Variants in AGMO observed in about 807,000 individuals in gnomAD.
The protein encoded by AGMO is glyceryl-ether monooxygenase.
AGMO carries 75 observed loss-of-function variants against 60.2 expected under a neutral mutation model. The observed-to-expected ratio is 1.25, with a 90% CI of 1.03 to 1.51. The LOEUF (loss-of-function observed/expected upper bound fraction) is 1.51, where lower values mean the gene tolerates loss of function less well. Ranked by LOEUF, AGMO falls within the 40% of genes most tolerant of loss-of-function variation. AGMO has a pLI of 0.00. For missense variants in AGMO, 763 were observed against 525.5 expected (o/e 1.45, Z -4.42); for synonymous variants, 261 against 177.1 (o/e 1.47, Z -3.76).
the AGMO span, among the ~76,000 whole-genome samples, chr7:15,176,477 T>C: frequency 6.6e-6 from 1 of 151,998 alleles, no homozygotes; most frequent in African/African-American, 2.4e-5. Flanking sequence ...AGTTTTATTA[T>C]TCACTTTCTC....
At chr7:15,244,884 C>G (rs980363849) in intron 12 of AGMO, among the ~76,000 whole-genome samples, 8 of 152,170 alleles carry the variant, frequency 5.3e-5, no homozygotes, top group African/African-American at 1.9e-4. Context: ...GATCTCCTGA[C>G]TTTGTGATCT....
intron 3 of AGMO, among the ~76,000 whole-genome samples, chr7:15,509,368 A>G (rs77938533): frequency 9.6e-6 from 1 of 104,166 alleles, no homozygotes; most frequent in African/African-American, 2.9e-5. Flanking sequence ...GTAGACCCAC[A>G]TGCAAAAAAA....
intron 12 of AGMO, among the ~76,000 whole-genome samples, chr7:15,354,313 CGCGTGTATAT>C (rs1563104737): frequency 0.048 from 4,173 of 87,182 alleles, 390 homozygotes; most frequent in Non-Finnish European, 0.057. Flanking sequence ...CGTGTATACA[CGCGTGTATAT>C]ACGTACGCGT....
chr7:15,455,953 T>C (rs1046958241), intron 3 of AGMO, among the ~76,000 whole-genome samples: 1 of 152,136 alleles, frequency 6.6e-6, no homozygotes, highest in Non-Finnish European at 1.5e-5. Context: ...CCCTGAGGTC[T>C]CAGAAATTTT....
chr7:15,359,827 TC>T (rs1431803280), intron 12 of AGMO, among the ~76,000 whole-genome samples: 1 of 152,192 alleles, frequency 6.6e-6, no homozygotes, highest in African/African-American at 2.4e-5. Context: ...ATACAAAAAA[TC>T]CTGAAACCTT....
At chr7:15,397,151 C>A (rs1205172425) in intron 5 of AGMO, among the ~76,000 whole-genome samples, 1 of 152,138 alleles carries the variant, frequency 6.6e-6, no homozygotes, top group Non-Finnish European at 1.5e-5. Flanking sequence ...AGGGAGCTCT[C>A]CCAGACAACC....
intron 10 of AGMO, among the ~76,000 whole-genome samples, chr7:15,375,143 C>A (rs1783395904): frequency 6.6e-6 from 1 of 152,052 alleles, no homozygotes; most frequent in African/African-American, 2.4e-5. Context: ...CCAAAAGAGT[C>A]TGTTGTTAAC....
At chr7:15,548,865 G>C (rs1287984569) in intron 2 of AGMO, among the ~76,000 whole-genome samples, 7 of 152,074 alleles carry the variant, frequency 4.6e-5, no homozygotes, top group East Asian at 1.9e-4. Flanking sequence ...ACATAATTGT[G>C]AGATTCACCA....
chr7:15,274,242 T>A (rs183466113), intron 12 of AGMO, among the ~76,000 whole-genome samples: 194 of 152,298 alleles, frequency 1.3e-3, no homozygotes, highest in African/African-American at 4.4e-3. Flanking sequence ...CCATTCAGTA[T>A]GATATTGGCT....
chr7:15,355,951 G>T (rs1051741219), intron 12 of AGMO, among the ~76,000 whole-genome samples: 1 of 144,442 alleles, frequency 6.9e-6, no homozygotes, highest in Non-Finnish European at 1.5e-5. Context: ...CACAGAAAAG[G>T]AAACACAAAT....
At chr7:15,322,270 T>C (rs1475474833) in intron 12 of AGMO, among the ~76,000 whole-genome samples, 3 of 148,130 alleles carry the variant, frequency 2.0e-5, no homozygotes, top group Admixed American at 6.9e-5. Flanking sequence ...GTACATATCA[T>C]CAGACGCCAC....
chr7:15,505,718 T>C (rs2128527555), intron 3 of AGMO, among the ~76,000 whole-genome samples: 1 of 152,170 alleles, frequency 6.6e-6, no homozygotes, highest in East Asian at 1.9e-4. Context: ...GCAGACATAA[T>C]TTTAAAATAT....
At chr7:15,393,075 G>A (rs1784217157) in intron 6 of AGMO, among the ~76,000 whole-genome samples, 3 of 152,222 alleles carry the variant, frequency 2.0e-5, no homozygotes, top group Non-Finnish European at 2.9e-5. Flanking sequence ...CACTGTGAAA[G>A]TCGAAGAATT....
At position 15,354,419 on chromosome 7, in the gene AGMO, T is replaced by C. The variant is rs1450765848; in HGVS notation, c.1263+11095A>G. On this transcript the variant is annotated intron_variant, in intron 12 of 12. Transcript: ENST00000342526. Reference sequence around the variant, plus strand: ...ACACGTGTGTGTACACACGTGTGTGTATACACACACGTGTGTGTATACACA... The same window carrying C: ...ACACGTGTGTGTACACACGTGTGTGCATACACACACGTGTGTGTATACACA... Among the ~76,000 whole-genome samples the C allele has an allele frequency of 6.4e-4, 9 of 14,052 alleles. 1 individual carries two copies. Among genetic ancestry groups the C allele is most frequent in the African/African-American group, 3.9e-3 (8 of 2,056 alleles). The allele number at this position is 14,052 out of a possible 152,430, so 9.2% of individuals were successfully genotyped here.
At chr7:15,347,407 C>A (rs1338065889) in intron 12 of AGMO, among the ~76,000 whole-genome samples, 1 of 152,066 alleles carries the variant, frequency 6.6e-6, no homozygotes, top group African/African-American at 2.4e-5. Context: ...CATTTATTTT[C>A]ATCTGATGTT....
intron 12 of AGMO, among the ~76,000 whole-genome samples, chr7:15,204,389 C>G (rs1388362885): frequency 2.6e-5 from 4 of 152,084 alleles, no homozygotes; most frequent in Non-Finnish European, 5.9e-5. Flanking sequence ...TAACACATTT[C>G]TCAAATATTT....
the AGMO span, among the ~76,000 whole-genome samples, chr7:15,193,441 T>C: frequency 4.6e-5 from 7 of 152,328 alleles, no homozygotes; most frequent in Admixed American, 1.3e-4. Flanking sequence ...TTAAATTCTG[T>C]TCCTTCTTGG....
At chr7:15,406,721 GTATATACACACATACATAT>G (rs1186028443) in intron 5 of AGMO, among the ~76,000 whole-genome samples, 201 of 73,114 alleles carry the variant, frequency 2.7e-3, no homozygotes, top group African/African-American at 4.0e-3. Flanking sequence ...GTATATATAT[GTATATACACACATACATAT>G]GAATATACAT....
chr7:15,122,267 T>G, the AGMO span, among the ~76,000 whole-genome samples: 1 of 151,922 alleles, frequency 6.6e-6, no homozygotes, highest in South Asian at 2.1e-4. Flanking sequence ...ACTTCTCTCT[T>G]TCTTAATCTA....
Sources: gnomAD v4.1 joint callset for allele counts (sites outside exome capture counted in the v4.1 genomes callset) on GRCh38, gnomAD v4.1.1 for gene constraint, MANE v1.5 for transcripts, NCBI Gene and HGNC (gene_info 2026-07-23, HGNC 2026-07-21) for gene names.